Variants in GPD1L observed in about 807,000 individuals in gnomAD.
GPD1L encodes the protein glycerol-3-phosphate dehydrogenase 1-like protein.
In GPD1L, 17 loss-of-function variants were observed where a neutral mutation model predicts 32.9. The observed-to-expected ratio is 0.52, with a 90% CI of 0.35 to 0.78. The LOEUF is 0.78. Among genes scored for constraint, GPD1L ranks in the 30% least tolerant of loss-of-function variants. GPD1L has a pLI of 0.01. For synonymous variants in GPD1L, 187 were observed against 165.9 expected, an observed-to-expected ratio of 1.13 and a Z score of -0.98; for missense variants, 361 against 447.8, an observed-to-expected ratio of 0.81 and a Z score of 1.75.
intron 2 of GPD1L, among the ~76,000 whole-genome samples, chr3:32,130,330 G>T (rs979382325): frequency 6.6e-6 from 1 of 152,104 alleles, no homozygotes; most frequent in African/African-American, 2.4e-5. Flanking sequence ...TGACCAATAT[G>T]TCCCCAGTCC....
chr3:32,119,121 G>T (rs769193284), intron 1 of GPD1L, among the ~76,000 whole-genome samples: 1 of 152,028 alleles, frequency 6.6e-6, no homozygotes, highest in African/African-American at 2.4e-5. Context: ...AATTCTTTGG[G>T]GTATATACCC....
chr3:32,137,729 C>T (rs958415253), intron 2 of GPD1L, among the ~76,000 whole-genome samples: 2 of 152,176 alleles, frequency 1.3e-5, no homozygotes, highest in Non-Finnish European at 2.9e-5. Context: ...TCACTTCTGC[C>T]GTGTTAAACT....
At position 32,146,514 on chromosome 3, in the gene GPD1L, G is replaced by A. The variant is rs9839702; in HGVS notation, c.506-108G>A. On this transcript the variant is annotated intron_variant, in intron 4 of 7. Transcript: ENST00000282541. The stretch of plus-strand genomic sequence containing the variant: ...ATGTGTTTTCTAAATATCCTATCAT[G>A]AACATGTTACTTTTATAGTAAGTAG... The A allele has an allele frequency of 0.39, 289,064 of 746,310 alleles. 58,371 individuals are homozygous for A. Among genetic ancestry groups the A allele is most frequent in the African/African-American group, 0.53 (30,435 of 57,530 alleles). 46.2% of individuals were successfully genotyped at this position (746,310 alleles called of 1,614,324 possible).
intron 4 of GPD1L, among the ~76,000 whole-genome samples, chr3:32,141,676 G>A (rs915279914): frequency 1.3e-5 from 2 of 152,070 alleles, no homozygotes; most frequent in Admixed American, 6.5e-5. Context: ...ACAGACACAG[G>A]TTTAAAAAAA....
chr3:32,123,579 AC>A (rs890363988), intron 1 of GPD1L, among the ~76,000 whole-genome samples: 4 of 150,516 alleles, frequency 2.7e-5, no homozygotes, highest in African/African-American at 4.9e-5. Flanking sequence ...AGATTACCTG[AC>A]CCCCCCATCA....
At chr3:32,132,935 A>C (rs962241784) in intron 2 of GPD1L, among the ~76,000 whole-genome samples, 1 of 152,222 alleles carries the variant, frequency 6.6e-6, no homozygotes, top group South Asian at 2.1e-4. Context: ...ATGTTTCTGC[A>C]TGTAGAGCCA....
At chr3:32,113,122 ATCATC>A (rs1015286082) in intron 1 of GPD1L, among the ~76,000 whole-genome samples, 10 of 151,620 alleles carry the variant, frequency 6.6e-5, no homozygotes, top group African/African-American at 2.4e-4. Flanking sequence ...GGCCTTAAAA[ATCATC>A]TCATTCAGTT....
At chr3:32,148,152 G>A (rs1700859794) in intron 5 of GPD1L, among the ~76,000 whole-genome samples, 1 of 152,172 alleles carries the variant, frequency 6.6e-6, no homozygotes, top group African/African-American at 2.4e-5. Flanking sequence ...ATGCCTAATT[G>A]CTCAGTGCTG....
intron 7 of GPD1L, among the ~76,000 whole-genome samples, chr3:32,164,752 CCCT>C (rs2125500953): frequency 6.6e-6 from 1 of 152,040 alleles, no homozygotes; most frequent in Non-Finnish European, 1.5e-5. Flanking sequence ...GAAGAAACAA[CCCT>C]ACAACGATAG....
chr3:32,124,267 A>C (rs146228041), intron 1 of GPD1L, among the ~76,000 whole-genome samples: 1 of 152,088 alleles, frequency 6.6e-6, no homozygotes, highest in Non-Finnish European at 1.5e-5. Flanking sequence ...GGGTTTCACC[A>C]TGTTGGCCAG....
At chr3:32,160,853 A>T (rs558346558) in intron 7 of GPD1L, among the ~76,000 whole-genome samples, 2 of 152,128 alleles carry the variant, frequency 1.3e-5, no homozygotes, top group Admixed American at 6.5e-5. Context: ...ACTGAGCATG[A>T]TTGTGGAGGA....
chr3:32,143,563 G>C (rs1181493328), intron 4 of GPD1L, among the ~76,000 whole-genome samples: 1 of 152,188 alleles, frequency 6.6e-6, no homozygotes, highest in Non-Finnish European at 1.5e-5. Flanking sequence ...ATATTACCGA[G>C]CCAGGCGTGG....
intron 2 of GPD1L, among the ~76,000 whole-genome samples, chr3:32,135,747 G>A (rs1472446258): frequency 1.3e-5 from 2 of 152,144 alleles, no homozygotes; most frequent in Non-Finnish European, 1.5e-5. Flanking sequence ...TGAGCATGGC[G>A]CCCAGCCTTC....
At chr3:32,158,639 C>A in intron 5 of GPD1L, 1 of 798,312 alleles carries the variant, frequency 1.3e-6, no homozygotes, top group Non-Finnish European at 1.9e-6. Context: ...CAATGCTCTT[C>A]AACTGCTGAC....
intron 5 of GPD1L, chr3:32,151,192 AG>A: frequency 1.8e-6 from 1 of 567,036 alleles, no homozygotes; most frequent in South Asian, 1.6e-5. Flanking sequence ...AGTCTAATCC[AG>A]GTACCTTTCT....
At chr3:32,134,053 C>T (rs1700625124) in intron 2 of GPD1L, among the ~76,000 whole-genome samples, 1 of 152,188 alleles carries the variant, frequency 6.6e-6, no homozygotes, top group South Asian at 2.1e-4. Context: ...AGTTTTGCTT[C>T]CCAGCATATT....
At chr3:32,128,347 C>A in intron 2 of GPD1L, 94 bp downstream of exon 2, 1 of 1,024,126 alleles carries the variant, frequency 9.8e-7, no homozygotes, top group Non-Finnish European at 1.5e-6. Context: ...AGCTGCTTCC[C>A]TTTTCCCCAG....
intron 2 of GPD1L, among the ~76,000 whole-genome samples, chr3:32,130,094 A>C (rs537600622): frequency 6.6e-6 from 1 of 152,134 alleles, no homozygotes; most frequent in East Asian, 1.9e-4. Context: ...GGGGGAAGTG[A>C]ATCTGCTGAG....
intron 3 of GPD1L, 148 bp from the exon 4 acceptor site, chr3:32,140,079 CT>C: frequency 1.2e-6 from 1 of 800,440 alleles, no homozygotes; most frequent in Non-Finnish European, 2.2e-6. Context: ...TCATTTGATT[CT>C]TCTTTAAGCT....
Sources: allele counts gnomAD v4.1 joint callset (sites outside exome capture counted in the v4.1 genomes callset), GRCh38; gene constraint gnomAD v4.1.1; transcripts MANE v1.5; gene names NCBI Gene and HGNC (gene_info 2026-07-23, HGNC 2026-07-21).